Variants in EPHA6 observed in about 807,000 individuals in gnomAD.
EPHA6 encodes ephrin type-A receptor 6.
Under a neutral mutation model 112.0 loss-of-function variants are expected in EPHA6, and 50 were observed. The ratio of observed to expected loss-of-function variants is 0.45; its 90% CI spans 0.36 to 0.56. The LOEUF (loss-of-function observed/expected upper bound fraction) is 0.56. Among genes scored for constraint, EPHA6 ranks in the 20% least tolerant of loss-of-function variants. The pLI, the probability that EPHA6 is intolerant of heterozygous loss-of-function variation, is 0.00. For missense variants in EPHA6, 1,280 were observed against 1,417.4 expected (o/e 0.90, Z 1.56); for synonymous variants, 529 against 490.7 (o/e 1.08, Z -1.03).
At chr3:97,010,665 T>G (rs1448192812) in intron 3 of EPHA6, among the ~76,000 whole-genome samples, 3 of 152,106 alleles carry the variant, frequency 2.0e-5, no homozygotes, top group Non-Finnish European at 4.4e-5. Flanking sequence ...TTTATTTATT[T>G]ATTTATTTAT....
chr3:97,283,548 T>C (rs1368086920), intron 5 of EPHA6, among the ~76,000 whole-genome samples: 1 of 151,954 alleles, frequency 6.6e-6, no homozygotes, highest in African/African-American at 2.4e-5. Flanking sequence ...ATAGAAATGG[T>C]GATTATAATA....
intron 3 of EPHA6, among the ~76,000 whole-genome samples, chr3:97,103,023 T>C (rs28783494): frequency 0.15 from 23,288 of 152,160 alleles, 2,054 homozygotes; most frequent in Non-Finnish European, 0.2. Context: ...AGATGCTAGA[T>C]ATTACATCTT....
At chr3:97,644,999 G>T (rs890419075) in intron 14 of EPHA6, among the ~76,000 whole-genome samples, 1 of 151,806 alleles carries the variant, frequency 6.6e-6, no homozygotes, top group African/African-American at 2.4e-5. Context: ...GAGAATTTTA[G>T]ACCAATATCC....
At position 97,483,944 on chromosome 3, in the gene EPHA6, G is replaced by T; in HGVS notation, c.2085G>T (p.Pro695=). 1 of 1,591,698 alleles carries T rather than the reference G, an allele frequency of 6.3e-7. No homozygotes were observed. Among genetic ancestry groups the T allele is most frequent in the Non-Finnish European group, 8.5e-7 (1 of 1,170,346 alleles). Residue 695 remains proline, a synonymous_variant, in exon 10 of 18, where the codon CCG becomes CCT. Transcript: ENST00000389672. The part of the protein sequence containing the change: ...NHLQNGHLRF[P]GIKTYIDPDT... ...TTATTGTTGTTGCAGTGCGCTTCCCGGGAATTAAAACTTACATTGATCCAG... is the reference window on the plus strand; with the variant it reads ...TTATTGTTGTTGCAGTGCGCTTCCCTGGAATTAAAACTTACATTGATCCAG...
chr3:97,607,549 A>G (rs1445674659), intron 12 of EPHA6, among the ~76,000 whole-genome samples: 1 of 151,144 alleles, frequency 6.6e-6, no homozygotes, highest in Admixed American at 6.6e-5. Context: ...CATTTCTGGG[A>G]TATTTATGAA....
Position 97,413,138 on chromosome 3 carries a change from C to T in EPHA6, c.1731+7864C>T, listed in dbSNP as rs192649323. ...CAGACACCACTTTTAAAAAATGTAG[C>T]ATTGCCATGAATTCAAAGTGCAGTC... On this transcript the variant is annotated intron_variant, in intron 6 of 17. Coordinates refer to ENST00000389672, the MANE Select transcript of EPHA6 (RefSeq NM_001080448.3). Among the ~76,000 whole-genome samples, 4 of 151,948 alleles carry T rather than the reference C, an allele frequency of 2.6e-5. No homozygotes were observed. The Admixed American group carries it at 2.6e-4, about 10-fold the overall frequency.
chr3:97,438,763 A>C (rs2089985429), intron 6 of EPHA6, among the ~76,000 whole-genome samples: 1 of 152,292 alleles, frequency 6.6e-6, no homozygotes, highest in South Asian at 2.1e-4. Flanking sequence ...AAAAGAAAGA[A>C]ACAATGCTAC....
chr3:96,901,777 G>C (rs1347794246), intron 2 of EPHA6, among the ~76,000 whole-genome samples: 1 of 152,070 alleles, frequency 6.6e-6, no homozygotes, highest in Non-Finnish European at 1.5e-5. Context: ...TGTTTCTTAA[G>C]ACTTTTCAGG....
At chr3:97,518,595 A>G (rs1186854828) in intron 10 of EPHA6, among the ~76,000 whole-genome samples, 7 of 151,720 alleles carry the variant, frequency 4.6e-5, no homozygotes, top group Non-Finnish European at 7.4e-5. Flanking sequence ...TTATATTCCC[A>G]TCAACAGTGT....
chr3:97,181,833 G>A (rs72922376), intron 3 of EPHA6, among the ~76,000 whole-genome samples: 1,942 of 152,136 alleles, frequency 0.013, 44 homozygotes, highest in African/African-American at 0.043. Flanking sequence ...GCAAGATGAA[G>A]CTTTTTCTCT....
chr3:96,977,958 A>G (rs201836530), intron 2 of EPHA6, among the ~76,000 whole-genome samples: 3 of 152,152 alleles, frequency 2.0e-5, no homozygotes, highest in East Asian at 3.9e-4. Flanking sequence ...CAGGAGTTTG[A>G]GACCAGCCTG....
chr3:97,401,788 A>T (rs2087008320), intron 5 of EPHA6, among the ~76,000 whole-genome samples: 1 of 151,576 alleles, frequency 6.6e-6, no homozygotes, highest in African/African-American at 2.4e-5. Context: ...CTACTTTTTA[A>T]ATATAGGAAC....
At chr3:97,484,227 C>T (rs2091641603) in intron 10 of EPHA6, among the ~76,000 whole-genome samples, 168 bp downstream of exon 10, 2 of 151,970 alleles carry the variant, frequency 1.3e-5, no homozygotes, top group African/African-American at 4.8e-5. Flanking sequence ...ATTTAGTGTC[C>T]ATTTGTTTCC....
chr3:97,488,174 T>C (rs1347291329), intron 10 of EPHA6, among the ~76,000 whole-genome samples: 1 of 152,198 alleles, frequency 6.6e-6, no homozygotes, highest in Non-Finnish European at 1.5e-5. Context: ...TCAATGGAAA[T>C]ACATAATATC....
chr3:97,662,446 T>G lies in EPHA6; in HGVS notation c.2784+24364T>G, dbSNP rs560678180. 4.8e-4 allele frequency among the ~76,000 whole-genome samples: 73 copies of G among 152,128 alleles called. 1 individual carries two copies. Among genetic ancestry groups the G allele is most frequent in the Non-Finnish European group, 9.0e-4 (61 of 68,016 alleles). ...AGGCCCAGTCACAGACCCTGTCCCA[T>G]ACTGCAGTAAGGACCTCTCACCTGC... On this transcript the variant is annotated intron_variant, in intron 14 of 17. Coordinates refer to ENST00000389672, the MANE Select transcript of EPHA6 (RefSeq NM_001080448.3).
intron 5 of EPHA6, among the ~76,000 whole-genome samples, chr3:97,394,201 G>A (rs1443551067): frequency 6.6e-6 from 1 of 151,744 alleles, no homozygotes; most frequent in African/African-American, 2.4e-5. Context: ...ACATTGCTGG[G>A]AAAACAAAAT....
intron 3 of EPHA6, among the ~76,000 whole-genome samples, chr3:97,129,539 A>G (rs985806249): frequency 5.3e-5 from 8 of 152,056 alleles, no homozygotes; most frequent in Admixed American, 5.2e-4. Context: ...ACAACAAAAA[A>G]AAGTACAGTG....
intron 14 of EPHA6, among the ~76,000 whole-genome samples, chr3:97,708,054 G>A (rs1378608501): frequency 1.3e-5 from 2 of 152,190 alleles, no homozygotes; most frequent in Non-Finnish European, 2.9e-5. Context: ...CTGCTATAAA[G>A]ATACCTAAAA....
chr3:97,303,361 T>G, intron 5 of EPHA6, among the ~76,000 whole-genome samples: 1 of 152,044 alleles, frequency 6.6e-6, no homozygotes, highest in East Asian at 1.9e-4. Flanking sequence ...GCATTTCAGT[T>G]TTCCTGAGAA....
Sources: gnomAD v4.1 joint callset for allele counts (sites outside exome capture counted in the v4.1 genomes callset) on GRCh38, gnomAD v4.1.1 for gene constraint, MANE v1.5 for transcripts, NCBI Gene and HGNC (gene_info 2026-07-23, HGNC 2026-07-21) for gene names.